The following MLLT11 variants were observed in gnomAD, a reference collection of about 807,000 sequenced individuals.
The protein encoded by MLLT11 is protein AF1q.
A neutral mutation model predicts 5.3 loss-of-function variants in MLLT11; 1 was observed. The ratio of observed to expected loss-of-function variants is 0.19; its 90% CI spans 0.07 to 0.89. The LOEUF (loss-of-function observed/expected upper bound fraction) is 0.89, where lower values mean the gene tolerates loss of function less well. Ranked by LOEUF, MLLT11 falls within the 40% of genes least tolerant of loss-of-function variation. The pLI, the probability that MLLT11 is intolerant of heterozygous loss-of-function variation, is 0.67. For synonymous variants in MLLT11, 38 were observed against 41.7 expected, an observed-to-expected ratio of 0.91 and a Z score of 0.34; for missense variants, 87 against 107.3, an observed-to-expected ratio of 0.81 and a Z score of 0.83.
At chr1:151,067,196 A>C (rs997323863) in intron 1 of MLLT11, 23 bp from the exon 2 acceptor site, 3 of 1,605,572 alleles carry the variant, frequency 1.9e-6, no homozygotes, top group Non-Finnish European at 2.6e-6. Flanking sequence ...TAGCATGAAG[A>C]CTGACAAGTG....
intron 1 of MLLT11, among the ~76,000 whole-genome samples, chr1:151,063,881 A>G (rs1007944838): frequency 6.6e-6 from 1 of 152,172 alleles, no homozygotes; most frequent in African/African-American, 2.4e-5. Flanking sequence ...CTGTTAAAAT[A>G]CCTTCTTCCA....
At chr1:151,066,966 G>A (rs1676483401) in intron 1 of MLLT11, among the ~76,000 whole-genome samples, 1 of 151,866 alleles carries the variant, frequency 6.6e-6, no homozygotes, top group Non-Finnish European at 1.5e-5. Flanking sequence ...TCATAATAAA[G>A]GGTTTCTGAA....
At position 151,067,238 on chromosome 1, in the gene MLLT11, T is replaced by A; in HGVS notation, c.14T>A (p.Val5Glu). The A allele has an allele frequency of 6.2e-7, 1 of 1,613,824 alleles. No homozygotes were observed. The highest frequency in any genetic ancestry group is 8.5e-7 in the Non-Finnish European group (1 of 1,179,856). The change falls in exon 2 of 2, where the codon GTG (valine) becomes GAG (glutamate). Residue 5 changes from valine (V) to glutamate (E), a missense_variant. Coordinates refer to ENST00000368921, the MANE Select transcript of MLLT11 (RefSeq NM_006818.4). ...TTCTAGGAAGCTATGAGGGACCCTGTGAGTAGCCAGTACAGTTCCTTTCTT... is the reference window on the plus strand; with the variant it reads ...TTCTAGGAAGCTATGAGGGACCCTGAGAGTAGCCAGTACAGTTCCTTTCTT... Reference protein sequence around the residue: MRDPVSSQYSSFLFW... With the variant: MRDPESSQYSSFLFW...
At chr1:151,066,786 G>A (rs1263423721) in intron 1 of MLLT11, among the ~76,000 whole-genome samples, 1 of 152,072 alleles carries the variant, frequency 6.6e-6, no homozygotes, top group Non-Finnish European at 1.5e-5. Flanking sequence ...TTGGCCGGGC[G>A]TGGTGGTGGG....
At chr1:151,061,505 G>A (rs1050325786) in intron 1 of MLLT11, among the ~76,000 whole-genome samples, 4 of 152,158 alleles carry the variant, frequency 2.6e-5, no homozygotes, top group African/African-American at 9.7e-5. Context: ...AAAATACCCG[G>A]ATAATTTAAA....
chr1:151,068,331 C>A lies in MLLT11; in HGVS notation c.*834C>A, dbSNP rs1676502828. 4.4e-6 allele frequency: 1 copy of A among 225,916 alleles called. No homozygotes were observed. The highest frequency in any genetic ancestry group is 5.9e-5 in the Admixed American group (1 of 17,026). 14.0% of individuals were successfully genotyped at this position (225,916 alleles called of 1,614,324 possible). A position where few individuals can be genotyped will look rare whatever the true frequency, so the allele number is the denominator to read the frequency against. The stretch of plus-strand genomic sequence containing the variant: ...ATTTTAGCCTTACCTCCTGCATTTG[C>A]AATACGTAATACTGATCAGTGGGCA... On this transcript the variant is annotated 3_prime_UTR_variant, in exon 2 of 2. Coordinates refer to ENST00000368921, the MANE Select transcript of MLLT11 (RefSeq NM_006818.4).
In MLLT11 at chr1:151,067,933, A is replaced by G. The variant is rs1390404089; in HGVS notation, c.*436A>G. 1 of 252,168 alleles carries G rather than the reference A, an allele frequency of 4.0e-6. No individual in the cohort carries two copies. The highest frequency in any genetic ancestry group is 5.3e-5 in the Admixed American group (1 of 18,730). 15.6% of individuals were successfully genotyped at this position (252,168 alleles called of 1,614,324 possible). On this transcript the variant is annotated 3_prime_UTR_variant, in exon 2 of 2. Transcript: ENST00000368921. ...TTCAAGGGGTGATGAAAACCTCGGA[A>G]GTTTTAATTTGAGGTTATCTGCTAC...
At position 151,067,654 on chromosome 1, in the gene MLLT11, A is replaced by G. The variant is rs996832414; in HGVS notation, c.*157A>G. On this transcript the variant is annotated 3_prime_UTR_variant, in exon 2 of 2. Transcript: ENST00000368921. Reference sequence around the variant, plus strand: ...TTGAGTTCTATGTATTTATTTATCTATCTGTCTACTCCATTTCTCTCAAAA... The same window carrying G: ...TTGAGTTCTATGTATTTATTTATCTGTCTGTCTACTCCATTTCTCTCAAAA... The G allele has an allele frequency of 1.2e-6, 1 of 825,564 alleles. No homozygotes were observed. Among genetic ancestry groups the G allele is most frequent in the East Asian group, 2.5e-5 (1 of 39,918 alleles). The allele number at this position is 825,564 out of a possible 1,614,324, so 51.1% of individuals were successfully genotyped here.
intron 1 of MLLT11, among the ~76,000 whole-genome samples, chr1:151,061,455 T>A (rs780016709): frequency 5.9e-5 from 9 of 152,180 alleles, no homozygotes; most frequent in Admixed American, 2.0e-4. Flanking sequence ...TAATCATGTA[T>A]CTCTAAGAAC....
At position 151,068,835 on chromosome 1, in the gene MLLT11, T is replaced by G. The variant is rs948506692; in HGVS notation, c.*1338T>G. Among the ~76,000 whole-genome samples the G allele has an allele frequency of 2.0e-5, 3 of 152,252 alleles. No homozygotes were observed. Among genetic ancestry groups the G allele is most frequent in the African/African-American group, 4.8e-5 (2 of 41,470 alleles). Reference sequence around the variant, plus strand: ...CCTGACCTCAGGTGATCTGCCCGCCTTAGCCTCTCAAAGTGCTGAGATTAC... The same window carrying G: ...CCTGACCTCAGGTGATCTGCCCGCCGTAGCCTCTCAAAGTGCTGAGATTAC... On this transcript the variant is annotated 3_prime_UTR_variant, in exon 2 of 2. Coordinates refer to ENST00000368921, the MANE Select transcript of MLLT11 (RefSeq NM_006818.4).
intron 1 of MLLT11, 117 bp from the exon 2 acceptor site, chr1:151,067,100 GAA>G (rs57235606): frequency 0.017 from 10,591 of 623,844 alleles, no homozygotes; most frequent in South Asian, 0.029. Flanking sequence ...TTCTTTAATA[GAA>G]AAAAAAAAAA....
rs1483357307 is a variant in MLLT11 at position 151,068,681 on chromosome 1, G to GT, written c.*1185dup. 2.0e-5 allele frequency among the ~76,000 whole-genome samples: 3 copies of GT among 152,100 alleles called. No homozygotes were observed. Among genetic ancestry groups the GT allele is most frequent in the Non-Finnish European group, 2.9e-5 (2 of 67,986 alleles). The stretch of plus-strand genomic sequence containing the variant: ...CTCACTGCAACCTCCACCCACCAGG[G>GT]TCAAGGGATCCTCCCACCTCAGGCT... On this transcript the variant is annotated 3_prime_UTR_variant, in exon 2 of 2. Transcript: ENST00000368921.
chr1:151,068,435 A>C lies in MLLT11; in HGVS notation c.*938A>C. ...CATCTTGTCCCCAATCCTTCCAAAA[A>C]TATTGATGGTGATTTGTGCTACCAT... On this transcript the variant is annotated 3_prime_UTR_variant, in exon 2 of 2. Coordinates refer to ENST00000368921, the MANE Select transcript of MLLT11 (RefSeq NM_006818.4). 4.5e-6 allele frequency: 1 copy of C among 223,904 alleles called. No individual in the cohort carries two copies. 13.9% of individuals were successfully genotyped at this position (223,904 alleles called of 1,614,324 possible).
chr1:151,063,107 T>C (rs1285243988), intron 1 of MLLT11, among the ~76,000 whole-genome samples: 1 of 152,056 alleles, frequency 6.6e-6, no homozygotes, highest in Non-Finnish European at 1.5e-5. Flanking sequence ...AAAGAACAAC[T>C]CAGAATTCAC....
At chr1:151,066,310 TG>T (rs1434198099) in intron 1 of MLLT11, among the ~76,000 whole-genome samples, 2 of 152,164 alleles carry the variant, frequency 1.3e-5, no homozygotes, top group Non-Finnish European at 2.9e-5. Flanking sequence ...GCTAACATTT[TG>T]TATTTTTAGT....
rs1477781583 is a variant in MLLT11, at chr1:151,069,077, G to A, written c.*1580G>A. On this transcript the variant is annotated 3_prime_UTR_variant, in exon 2 of 2. Coordinates refer to ENST00000368921, the MANE Select transcript of MLLT11 (RefSeq NM_006818.4). The stretch of plus-strand genomic sequence containing the variant: ...ACTGACTACCAACATTATATTTCAG[G>A]TAATAATTCTCCTAGGTGCCTAAGA... Among the ~76,000 whole-genome samples, 1 of 152,092 alleles carries A rather than the reference G, an allele frequency of 6.6e-6. No homozygotes were observed. The highest frequency in any genetic ancestry group is 1.9e-4 in the East Asian group (1 of 5,190).
chr1:151,067,477 T>G lies in MLLT11; in HGVS notation c.253T>G (p.Phe85Val). ...WRAPIASIHS[F>V]ELDLL ...AGCTCCCATTGCCAGCATCCACTCC[T>G]TCGAACTGGACTTGCTCTAAGGCCA... is the stretch of plus-strand genomic sequence containing the variant. Residue 85 changes from phenylalanine (F) to valine (V), a missense_variant, in exon 2 of 2, where the codon TTC becomes GTC. Physicochemically the swap from Phe to Val is conservative, Grantham distance 50. Coordinates refer to ENST00000368921, the MANE Select transcript of MLLT11 (RefSeq NM_006818.4). 1 of 1,613,884 alleles carries G rather than the reference T, an allele frequency of 6.2e-7. No individual in the cohort carries two copies. Among genetic ancestry groups the G allele is most frequent in the Non-Finnish European group, 8.5e-7 (1 of 1,180,000 alleles).
intron 1 of MLLT11, among the ~76,000 whole-genome samples, chr1:151,066,172 T>A (rs1164558472): frequency 6.6e-6 from 1 of 152,022 alleles, no homozygotes; most frequent in African/African-American, 2.4e-5. Flanking sequence ...GTCTTTTTTT[T>A]AAGACAGAAT....
intron 1 of MLLT11, among the ~76,000 whole-genome samples, chr1:151,063,364 A>G (rs1169661327): frequency 6.6e-6 from 1 of 152,080 alleles, no homozygotes; most frequent in Non-Finnish European, 1.5e-5. Context: ...GAGGTGATAG[A>G]ATGTTCTTTC....
Sources: allele counts gnomAD v4.1 joint callset (sites outside exome capture counted in the v4.1 genomes callset), GRCh38; gene constraint gnomAD v4.1.1; transcripts MANE v1.5; gene names NCBI Gene and HGNC (gene_info 2026-07-23, HGNC 2026-07-21).